Variants in UNC13C observed in about 807,000 individuals in gnomAD.
UNC13C encodes protein unc-13 homolog C.
In UNC13C, 174 loss-of-function variants were observed where a neutral mutation model predicts 245.4. The ratio of observed to expected loss-of-function variants is 0.71; its 90% CI spans 0.63 to 0.80. UNC13C has a LOEUF of 0.80. UNC13C is among the 30% of genes least tolerant of loss of function. The probability of loss-of-function intolerance (pLI) is 0.00; values close to 1 mark genes in which losing one functional copy is unlikely to be tolerated. For synonymous variants in UNC13C, 992 were observed against 895.1 expected (o/e 1.11, Z -1.93); for missense variants, 2,829 against 2,602.9 (o/e 1.09, Z -1.89).
intron 2 of UNC13C, among the ~76,000 whole-genome samples, chr15:54,047,540 T>C (rs7174103): frequency 0.016 from 2,402 of 152,240 alleles, 64 homozygotes; most frequent in African/African-American, 0.055. Context: ...TCACTAAGCA[T>C]AGGTTTTCAA....
At chr15:54,554,522 C>A (rs12910358) in intron 28 of UNC13C, among the ~76,000 whole-genome samples, 2,280 of 152,144 alleles carry the variant, frequency 0.015, 18 homozygotes, top group Middle Eastern at 0.041. Context: ...TATGTTCCCC[C>A]ACGTGGGACT....
Position 54,265,474 on chromosome 15 carries a change from G to T in UNC13C, c.3796G>T (p.Val1266Leu). Residue 1266 changes from valine (V) to leucine (L), a missense_variant, in exon 10 of 33, where the codon GTA (valine) becomes TTA (leucine). Physicochemically the swap from Val to Leu is conservative, Grantham distance 32. Coordinates refer to ENST00000260323, the MANE Select transcript of UNC13C (RefSeq NM_001080534.3). ...AACCATTTTTGGAAATTTGAATCCA[G>T]TATGGGATGAGAAGTTTTATTTGTG... is the stretch of plus-strand genomic sequence containing the variant. ...TKTIFGNLNP[V>L]WDEKFYFECH... 6.4e-7 allele frequency: 1 copy of T among 1,552,548 alleles called. No individual in the cohort carries two copies. Among genetic ancestry groups the T allele is most frequent in the Non-Finnish European group, 8.7e-7 (1 of 1,145,846 alleles).
chr15:54,570,337 A>C (rs1484471392), intron 30 of UNC13C, among the ~76,000 whole-genome samples: 1 of 152,146 alleles, frequency 6.6e-6, no homozygotes, highest in Non-Finnish European at 1.5e-5. Context: ...TGTGAGGTTC[A>C]CTTGAGCCAT....
At chr15:54,323,127 T>C (rs1174340140) in intron 14 of UNC13C, among the ~76,000 whole-genome samples, 1 of 151,918 alleles carries the variant, frequency 6.6e-6, no homozygotes, top group Non-Finnish European at 1.5e-5. Context: ...TGTTACAGAG[T>C]ATATTGTTTA....
chr15:54,573,675 G>A (rs1897848192), intron 30 of UNC13C, among the ~76,000 whole-genome samples: 1 of 152,142 alleles, frequency 6.6e-6, no homozygotes, highest in African/African-American at 2.4e-5. Context: ...AAGTAGGGGT[G>A]GTTTTCCCCC....
the UNC13C span, among the ~76,000 whole-genome samples, chr15:53,949,745 G>T: frequency 1.3e-5 from 2 of 152,274 alleles, no homozygotes; most frequent in East Asian, 3.9e-4. Flanking sequence ...CTGGAACTCT[G>T]CTCCAGACAG....
intron 4 of UNC13C, among the ~76,000 whole-genome samples, chr15:54,217,744 T>TA (rs1462479053): frequency 6.6e-6 from 1 of 151,784 alleles, no homozygotes; most frequent in Non-Finnish European, 1.5e-5. Flanking sequence ...TCATAGAGGA[T>TA]AAAAAATACT....
chr15:53,869,022 T>A, the UNC13C span, among the ~76,000 whole-genome samples: 1 of 152,046 alleles, frequency 6.6e-6, no homozygotes, highest in Admixed American at 6.6e-5. Context: ...GGTGGGAGGA[T>A]CACATGAACT....
intron 4 of UNC13C, among the ~76,000 whole-genome samples, chr15:54,191,053 AG>A (rs1277256283): frequency 1.3e-5 from 2 of 152,100 alleles, no homozygotes; most frequent in African/African-American, 4.8e-5. Flanking sequence ...TAACTTTTTA[AG>A]CATTTTTAAA....
chr15:53,871,608 A>T, the UNC13C span, among the ~76,000 whole-genome samples: 1 of 152,138 alleles, frequency 6.6e-6, no homozygotes, highest in Non-Finnish European at 1.5e-5. Flanking sequence ...GTCTTTAGTA[A>T]ATATGTTTTG....
At chr15:54,301,963 T>C (rs1442636453) in intron 13 of UNC13C, among the ~76,000 whole-genome samples, 1 of 152,182 alleles carries the variant, frequency 6.6e-6, no homozygotes, top group East Asian at 1.9e-4. Flanking sequence ...GTTTCCTGAC[T>C]TTTTAATGAT....
chr15:54,344,114 A>G (rs1359317968), intron 17 of UNC13C, among the ~76,000 whole-genome samples: 3 of 152,190 alleles, frequency 2.0e-5, no homozygotes, highest in Non-Finnish European at 4.4e-5. Context: ...GCCTGGTTAA[A>G]AAGAGAGCTC....
At chr15:54,147,781 G>GGTGTGTGTGTGTGTGTGTGTGT (rs1372170799) in intron 4 of UNC13C, among the ~76,000 whole-genome samples, 1 of 24,552 alleles carries the variant, frequency 4.1e-5, no homozygotes. Flanking sequence ...AGCATTGCAA[G>GGTGTGTGTGTGTGTGTGTGTGT]GTGTGTGCGT....
chr15:53,972,229 T>C, the UNC13C span, among the ~76,000 whole-genome samples: 17 of 152,288 alleles, frequency 1.1e-4, no homozygotes, highest in African/African-American at 4.1e-4. Context: ...AGTCAACCCT[T>C]CCGATGCTTA....
intron 2 of UNC13C, chr15:54,049,269 T>A (rs895360909): frequency 1.1e-5 from 6 of 526,330 alleles, no homozygotes; most frequent in African/African-American, 9.8e-5. Flanking sequence ...TCAGAATATG[T>A]GTTCTCACTG....
chr15:54,038,124 A>ATATATATTTTTTTTTTT, intron 2 of UNC13C, among the ~76,000 whole-genome samples: 11 of 45,028 alleles, frequency 2.4e-4, no homozygotes, highest in East Asian at 1.1e-3. Flanking sequence ...ATATATATAT[A>ATATATATTTTTTTTTTT]TTTTTTTTTT....
chr15:53,843,818 C>G, the UNC13C span, among the ~76,000 whole-genome samples: 1 of 152,030 alleles, frequency 6.6e-6, no homozygotes, highest in Non-Finnish European at 1.5e-5. Context: ...TAGGAAGTCA[C>G]TAGTGAGAGG....
intron 17 of UNC13C, among the ~76,000 whole-genome samples, chr15:54,379,967 CAT>C (rs1364254239): frequency 1.3e-5 from 2 of 152,154 alleles, no homozygotes; most frequent in South Asian, 2.1e-4. Flanking sequence ...CATTGCCTCA[CAT>C]AGTTATTATT....
intron 16 of UNC13C, among the ~76,000 whole-genome samples, chr15:54,334,906 A>G (rs982805215): frequency 3.3e-5 from 5 of 152,088 alleles, no homozygotes; most frequent in African/African-American, 9.7e-5. Flanking sequence ...GTTTAAAAAC[A>G]CTATCTCCTT....
Sources: gnomAD v4.1 joint callset for allele counts (sites outside exome capture counted in the v4.1 genomes callset) on GRCh38, gnomAD v4.1.1 for gene constraint, MANE v1.5 for transcripts, NCBI Gene and HGNC (gene_info 2026-07-23, HGNC 2026-07-21) for gene names.